ZBTB20: variants seen among roughly 807,000 people sequenced by gnomAD.
ZBTB20 encodes the protein zinc finger and BTB domain-containing protein 20.
A neutral mutation model predicts 56.9 loss-of-function variants in ZBTB20; 9 were observed. The observed-to-expected ratio is 0.16, with a 90% CI of 0.10 to 0.28. The LOEUF is 0.28. Ranked by LOEUF, ZBTB20 falls within the 10% of genes least tolerant of loss-of-function variation. The pLI, the probability that ZBTB20 is intolerant of heterozygous loss-of-function variation, is 1.00. For synonymous variants in ZBTB20, 417 were observed against 420.7 expected, an observed-to-expected ratio of 0.99 and a Z score of 0.11; for missense variants, 655 against 1,003.0, an observed-to-expected ratio of 0.65 and a Z score of 4.69.
chr3:114,928,294 T>A (rs1053029552), intron 3 of ZBTB20, among the ~76,000 whole-genome samples: 13 of 152,182 alleles, frequency 8.5e-5, no homozygotes, highest in Admixed American at 5.9e-4. Context: ...CTGCAGTCAC[T>A]GAGGGCAGCC....
chr3:114,714,619 G>A (rs993702187), intron 5 of ZBTB20, among the ~76,000 whole-genome samples: 3 of 151,268 alleles, frequency 2.0e-5, no homozygotes, highest in Non-Finnish European at 2.9e-5. Context: ...TCTTTTCCAT[G>A]TGTGCAATGT....
At chr3:115,133,102 T>C (rs1246412667) in intron 1 of ZBTB20, among the ~76,000 whole-genome samples, 1 of 152,178 alleles carries the variant, frequency 6.6e-6, no homozygotes, top group Non-Finnish European at 1.5e-5. Flanking sequence ...CTAGAATGAT[T>C]TAAATTACAT....
intron 6 of ZBTB20, among the ~76,000 whole-genome samples, chr3:114,538,168 G>A (rs1405329084): frequency 2.0e-5 from 3 of 151,984 alleles, no homozygotes; most frequent in Admixed American, 1.3e-4. Context: ...TAAACCTATA[G>A]AAACTCTAGC....
intron 4 of ZBTB20, among the ~76,000 whole-genome samples, chr3:114,879,488 G>A (rs1286561580): frequency 3.9e-5 from 6 of 152,020 alleles, no homozygotes; most frequent in African/African-American, 4.8e-5. Flanking sequence ...TTGATCCTCC[G>A]AAAACCACGG....
chr3:114,557,851 T>C (rs2051452213), intron 6 of ZBTB20, among the ~76,000 whole-genome samples: 1 of 152,010 alleles, frequency 6.6e-6, no homozygotes, highest in African/African-American at 2.4e-5. Context: ...TAAAATAAAT[T>C]ATTATTTTTA....
intron 6 of ZBTB20, among the ~76,000 whole-genome samples, chr3:114,690,434 A>G (rs924715878): frequency 6.6e-6 from 1 of 152,104 alleles, no homozygotes; most frequent in Non-Finnish European, 1.5e-5. Flanking sequence ...ATAGTCACTG[A>G]CCTACAATTC....
At chr3:114,650,642 A>T (rs2060080662) in intron 6 of ZBTB20, among the ~76,000 whole-genome samples, 2 of 151,986 alleles carry the variant, frequency 1.3e-5, no homozygotes, top group Non-Finnish European at 2.9e-5. Context: ...GGACATAAAT[A>T]TCAGTTGTTA....
intron 2 of ZBTB20, among the ~76,000 whole-genome samples, chr3:115,007,070 T>C (rs916160116): frequency 6.6e-5 from 10 of 151,904 alleles, no homozygotes; most frequent in African/African-American, 2.2e-4. Context: ...GCAAAATAGT[T>C]CTATCTATAT....
At chr3:114,385,528 C>T (rs1194951408) in intron 8 of ZBTB20, among the ~76,000 whole-genome samples, 2 of 152,210 alleles carry the variant, frequency 1.3e-5, no homozygotes, top group Non-Finnish European at 2.9e-5. Flanking sequence ...GGTAGTTCCT[C>T]TCATAGGGAT....
At chr3:114,465,992 G>A (rs546240159) in intron 7 of ZBTB20, among the ~76,000 whole-genome samples, 231 of 152,130 alleles carry the variant, frequency 1.5e-3, no homozygotes, top group African/African-American at 4.8e-3. Context: ...GTACATTTGT[G>A]TGTGTGCATT....
At chr3:114,812,316 C>A (rs376832218) in intron 4 of ZBTB20, among the ~76,000 whole-genome samples, 8 of 152,242 alleles carry the variant, frequency 5.3e-5, no homozygotes, top group African/African-American at 1.4e-4. Flanking sequence ...TTCTCCACAT[C>A]CCCACCAGAT....
chr3:114,386,395 G>A (rs1417482578), intron 8 of ZBTB20, among the ~76,000 whole-genome samples: 1 of 151,992 alleles, frequency 6.6e-6, no homozygotes, highest in Non-Finnish European at 1.5e-5. Flanking sequence ...TAGCTAAAGA[G>A]GATTTAATGA....
chr3:114,965,021 T>C (rs990161223), intron 3 of ZBTB20, among the ~76,000 whole-genome samples: 1 of 152,160 alleles, frequency 6.6e-6, no homozygotes, highest in African/African-American at 2.4e-5. Flanking sequence ...ATCTGAAAGA[T>C]GGGATGATAA....
In ZBTB20 at chr3:114,748,096, C is replaced by G. The variant is rs890289625; in HGVS notation, c.-343+53005G>C. Among the ~76,000 whole-genome samples the G allele has an allele frequency of 3.3e-5, 5 of 152,078 alleles. No individual in the cohort carries two copies. In the East Asian group the frequency reaches 9.7e-4, roughly 29 times the overall value. On this transcript the variant is annotated intron_variant, in intron 5 of 11. Coordinates refer to ENST00000675478, the MANE Select transcript of ZBTB20 (RefSeq NM_001348800.3). ...AAGACATATCAACATTGGTAACTGTCAGAGTGAGAAAAGGAAATTGAACAT... is the reference window on the plus strand; with the variant it reads ...AAGACATATCAACATTGGTAACTGTGAGAGTGAGAAAAGGAAATTGAACAT...
chr3:114,764,638 G>A (rs2108713650), intron 5 of ZBTB20, among the ~76,000 whole-genome samples: 1 of 152,244 alleles, frequency 6.6e-6, no homozygotes, highest in South Asian at 2.1e-4. Context: ...GTACCCAAAA[G>A]GGAACTGTGA....
At chr3:114,443,718 T>C (rs914598149) in intron 7 of ZBTB20, among the ~76,000 whole-genome samples, 2 of 152,148 alleles carry the variant, frequency 1.3e-5, no homozygotes, top group Admixed American at 1.3e-4. Context: ...TATTAATAAG[T>C]AATAGTAGCA....
chr3:114,838,548 G>T (rs7615256), intron 4 of ZBTB20, among the ~76,000 whole-genome samples: 2 of 146,040 alleles, frequency 1.4e-5, no homozygotes, highest in South Asian at 2.1e-4. Context: ...TGGTGTGACT[G>T]GGGGGGGAAA....
chr3:114,619,582 C>A (rs781651296), intron 6 of ZBTB20, among the ~76,000 whole-genome samples: 1 of 151,996 alleles, frequency 6.6e-6, no homozygotes, highest in Non-Finnish European at 1.5e-5. Context: ...ACAATACCAT[C>A]TAGGGTGCTA....
At chr3:114,454,459 C>T (rs2091879068) in intron 7 of ZBTB20, 1 of 151,616 alleles carries the variant, frequency 6.6e-6, no homozygotes, top group African/African-American at 2.4e-5. Context: ...TCACGCCGCC[C>T]CTCTTACCCC....
Sources: gnomAD v4.1 joint callset for allele counts (sites outside exome capture counted in the v4.1 genomes callset) on GRCh38, gnomAD v4.1.1 for gene constraint, MANE v1.5 for transcripts, NCBI Gene and HGNC (gene_info 2026-07-23, HGNC 2026-07-21) for gene names.